Variants in SH3PXD2A observed in about 807,000 individuals in gnomAD.
SH3PXD2A encodes the protein SH3 and PX domains 2A, also known as SH3 and PX domain-containing protein 2A.
In SH3PXD2A, 32 loss-of-function variants were observed where a neutral mutation model predicts 115.2. The ratio of observed to expected loss-of-function variants is 0.28; its 90% CI spans 0.21 to 0.37. The LOEUF is 0.37. Among genes scored for constraint, SH3PXD2A ranks in the 10% least tolerant of loss-of-function variants. The pLI, the probability that SH3PXD2A is intolerant of heterozygous loss-of-function variation, is 1.00. For missense variants in SH3PXD2A, 1,328 were observed against 1,498.7 expected (o/e 0.89, Z 1.88); for synonymous variants, 610 against 629.1 (o/e 0.97, Z 0.45).
intron 5 of SH3PXD2A, chr10:103,693,535 A>G (rs951937146): frequency 6.6e-6 from 1 of 151,040 alleles, no homozygotes; most frequent in Non-Finnish European, 1.5e-5. Flanking sequence ...AGGTGAACCC[A>G]GCCTACTCAG....
At chr10:103,754,339 T>G (rs1441626986) in intron 3 of SH3PXD2A, 1 of 152,194 alleles carries the variant, frequency 6.6e-6, no homozygotes, top group East Asian at 1.9e-4. Context: ...CCCGAGTAGC[T>G]GGTACAGGAG....
intron 6 of SH3PXD2A, among the ~76,000 whole-genome samples, chr10:103,691,642 A>T (rs2037752985): frequency 6.6e-6 from 1 of 152,114 alleles, no homozygotes; most frequent in Non-Finnish European, 1.5e-5. Flanking sequence ...GACCCAGGTG[A>T]TAGGCAAGTG....
At chr10:103,760,878 T>A (rs955274689) in intron 3 of SH3PXD2A, among the ~76,000 whole-genome samples, 7 of 152,128 alleles carry the variant, frequency 4.6e-5, no homozygotes, top group African/African-American at 1.2e-4. Flanking sequence ...AAAAGAATAT[T>A]TTTTTTAAAA....
intron 6 of SH3PXD2A, 24 bp from the exon 7 acceptor site, chr10:103,668,676 G>A (rs1315464052): frequency 3.3e-6 from 5 of 1,532,354 alleles, no homozygotes; most frequent in African/African-American, 1.6e-5. Flanking sequence ...GAGAGCAAGC[G>A]GCAGCAGGAG....
intron 3 of SH3PXD2A, among the ~76,000 whole-genome samples, chr10:103,752,022 C>G (rs1458665986): frequency 6.6e-6 from 1 of 152,194 alleles, no homozygotes; most frequent in Non-Finnish European, 1.5e-5. Context: ...CCCCGCCTCC[C>G]AAACCTAGAG....
intron 5 of SH3PXD2A, among the ~76,000 whole-genome samples, chr10:103,698,428 C>T (rs1415912699): frequency 6.6e-6 from 1 of 152,230 alleles, no homozygotes; most frequent in Non-Finnish European, 1.5e-5. Flanking sequence ...CTGACATTGG[C>T]TGCTGGGCCC....
At chr10:103,652,343 G>T (rs530573988) in intron 8 of SH3PXD2A, among the ~76,000 whole-genome samples, 3 of 152,312 alleles carry the variant, frequency 2.0e-5, no homozygotes, top group African/African-American at 7.2e-5. Flanking sequence ...CCCAGACTTT[G>T]CAGGCCATCT....
At chr10:103,818,790 G>A (rs1034339490) in intron 1 of SH3PXD2A, among the ~76,000 whole-genome samples, 5 of 152,074 alleles carry the variant, frequency 3.3e-5, no homozygotes, top group Admixed American at 3.3e-4. Context: ...CTTCTCCCAT[G>A]TGATCTCACC....
intron 8 of SH3PXD2A, among the ~76,000 whole-genome samples, chr10:103,657,103 T>TA (rs966514579): frequency 1.8e-4 from 28 of 151,638 alleles, no homozygotes; most frequent in Non-Finnish European, 2.9e-4. Flanking sequence ...TTCTCACTTG[T>TA]AAAAAAAATG....
At chr10:103,761,864 G>A (rs933597743) in intron 3 of SH3PXD2A, among the ~76,000 whole-genome samples, 1 of 152,204 alleles carries the variant, frequency 6.6e-6, no homozygotes, top group Admixed American at 6.5e-5. Context: ...AGGAAGAATC[G>A]CGGCTCTGCT....
intron 2 of SH3PXD2A, among the ~76,000 whole-genome samples, chr10:103,793,195 C>T (rs557281570): frequency 6.6e-6 from 1 of 152,274 alleles, no homozygotes; most frequent in African/African-American, 2.4e-5. Context: ...TTATCAAGCC[C>T]TTCCTCCTAC....
intron 2 of SH3PXD2A, among the ~76,000 whole-genome samples, chr10:103,776,726 T>A (rs965630548): frequency 6.6e-6 from 1 of 151,996 alleles, no homozygotes; most frequent in Non-Finnish European, 1.5e-5. Context: ...CTCCACATGA[T>A]GCTCTCCCTG....
At chr10:103,730,784 G>C (rs2038306715) in intron 4 of SH3PXD2A, among the ~76,000 whole-genome samples, 1 of 152,126 alleles carries the variant, frequency 6.6e-6, no homozygotes, top group Admixed American at 6.5e-5. Flanking sequence ...CCCTCAAGGA[G>C]CTCATAGTCT....
chr10:103,719,867 G>A (rs1178706849), intron 5 of SH3PXD2A, among the ~76,000 whole-genome samples: 9 of 151,998 alleles, frequency 5.9e-5, no homozygotes, highest in South Asian at 4.2e-4. Flanking sequence ...TTACAGGCAC[G>A]TGCCACCACG....
intron 4 of SH3PXD2A, among the ~76,000 whole-genome samples, chr10:103,732,534 G>A (rs1017526896): frequency 3.3e-5 from 5 of 152,204 alleles, no homozygotes; most frequent in East Asian, 1.9e-4. Context: ...CTGTGAAACC[G>A]CCATTAGGTG....
intron 8 of SH3PXD2A, among the ~76,000 whole-genome samples, chr10:103,637,727 G>A (rs1412779627): frequency 6.6e-6 from 1 of 152,160 alleles, no homozygotes; most frequent in Non-Finnish European, 1.5e-5. Context: ...AGCTCCAAGT[G>A]GCGACGGGTG....
chr10:103,807,950 C>T (rs1371265854), intron 1 of SH3PXD2A, among the ~76,000 whole-genome samples: 1 of 152,198 alleles, frequency 6.6e-6, no homozygotes, highest in Non-Finnish European at 1.5e-5. Flanking sequence ...CAGGCTCTTA[C>T]CCAAGAAGAT....
At chr10:103,633,573 A>G (rs1045925389) in intron 8 of SH3PXD2A, among the ~76,000 whole-genome samples, 1 of 135,362 alleles carries the variant, frequency 7.4e-6, no homozygotes, top group Non-Finnish European at 1.6e-5. Flanking sequence ...TAAAAATACA[A>G]AAAAATTAGC....
At chr10:103,790,163 T>TA (rs2039020635) in intron 2 of SH3PXD2A, among the ~76,000 whole-genome samples, 1 of 151,842 alleles carries the variant, frequency 6.6e-6, no homozygotes, top group African/African-American at 2.4e-5. Flanking sequence ...GACTTTCTTT[T>TA]TTTTTTTTTG....
Sources: gnomAD v4.1 joint callset for allele counts (sites outside exome capture counted in the v4.1 genomes callset) on GRCh38, gnomAD v4.1.1 for gene constraint, MANE v1.5 for transcripts, NCBI Gene and HGNC (gene_info 2026-07-23, HGNC 2026-07-21) for gene names.